SLC24A2: variants seen among roughly 807,000 people sequenced by gnomAD.
SLC24A2 encodes solute carrier family 24 member 2.
Under a neutral mutation model 62.0 loss-of-function variants are expected in SLC24A2, and 36 were observed. That is an observed-to-expected ratio of 0.58 (90% CI 0.44 to 0.77). The LOEUF is 0.77. SLC24A2 is among the 30% of genes least tolerant of loss of function. SLC24A2 has a pLI of 0.00. For missense variants in SLC24A2, 846 were observed against 817.9 expected, an observed-to-expected ratio of 1.03 and a Z score of -0.42; for synonymous variants, 358 against 294.0, an observed-to-expected ratio of 1.22 and a Z score of -2.23.
chr9:19,715,610 G>C (rs1178808154), intron 2 of SLC24A2, among the ~76,000 whole-genome samples: 2 of 152,092 alleles, frequency 1.3e-5, no homozygotes, highest in Admixed American at 1.3e-4. Flanking sequence ...CAGTCAACCT[G>C]TCCTCATTGT....
At chr9:20,294,313 T>G in the SLC24A2 span, among the ~76,000 whole-genome samples, 2 of 152,038 alleles carry the variant, frequency 1.3e-5, no homozygotes, top group African/African-American at 4.8e-5. Flanking sequence ...ACGTGACTGC[T>G]CATCACGGTG....
the SLC24A2 span, among the ~76,000 whole-genome samples, chr9:20,018,724 CCT>C: frequency 6.6e-6 from 1 of 151,988 alleles, no homozygotes; most frequent in Non-Finnish European, 1.5e-5. Context: ...CTTACCATCC[CCT>C]GATTGAGGTA....
At chr9:19,818,165 C>T in the SLC24A2 span, among the ~76,000 whole-genome samples, 1 of 152,072 alleles carries the variant, frequency 6.6e-6, no homozygotes, top group Non-Finnish European at 1.5e-5. Flanking sequence ...TTTAGAGTCT[C>T]CGGCCTTGTT....
the SLC24A2 span, among the ~76,000 whole-genome samples, chr9:19,924,657 A>T: frequency 2.6e-5 from 4 of 152,198 alleles, no homozygotes; most frequent in Non-Finnish European, 4.4e-5. Flanking sequence ...GCTCAAAATA[A>T]ATACTTTTCA....
At chr9:19,868,770 A>T in the SLC24A2 span, among the ~76,000 whole-genome samples, 2 of 151,794 alleles carry the variant, frequency 1.3e-5, no homozygotes, top group Non-Finnish European at 2.9e-5. Flanking sequence ...GTATTTTCTT[A>T]TACTAATTTA....
At chr9:19,630,598 A>T (rs1818153276) in intron 2 of SLC24A2, among the ~76,000 whole-genome samples, 1 of 152,142 alleles carries the variant, frequency 6.6e-6, no homozygotes, top group African/African-American at 2.4e-5. Context: ...ACCACGTTTT[A>T]ACTTCCGATC....
At chr9:20,019,559 C>G in the SLC24A2 span, among the ~76,000 whole-genome samples, 1 of 152,028 alleles carries the variant, frequency 6.6e-6, no homozygotes, top group Admixed American at 6.6e-5. Flanking sequence ...TGGTACCATA[C>G]AAAAACTAAC....
intron 5 of SLC24A2, among the ~76,000 whole-genome samples, chr9:19,578,628 C>A (rs1836107263): frequency 6.6e-6 from 1 of 151,800 alleles, no homozygotes; most frequent in Non-Finnish European, 1.5e-5. Context: ...TTATTTAGAA[C>A]CAAACCAAAC....
chr9:19,770,919 G>A (rs1280642429), intron 2 of SLC24A2, among the ~76,000 whole-genome samples: 2 of 152,068 alleles, frequency 1.3e-5, no homozygotes, highest in Non-Finnish European at 2.9e-5. Context: ...ATTTCATTAA[G>A]AGGCCCCTTA....
chr9:19,829,838 C>A, the SLC24A2 span, among the ~76,000 whole-genome samples: 1 of 127,182 alleles, frequency 7.9e-6, no homozygotes, highest in South Asian at 2.7e-4. Context: ...CACACACACA[C>A]ACATATATAG....
At chr9:20,278,242 TTAAAAA>T in the SLC24A2 span, among the ~76,000 whole-genome samples, 8 of 152,060 alleles carry the variant, frequency 5.3e-5, no homozygotes, top group African/African-American at 1.7e-4. Context: ...AATAAAAAAA[TTAAAAA>T]TAAATAAAAA....
the SLC24A2 span, among the ~76,000 whole-genome samples, chr9:19,943,117 C>T: frequency 9.2e-5 from 14 of 152,116 alleles, no homozygotes; most frequent in African/African-American, 3.4e-4. Flanking sequence ...ATGACATTTA[C>T]CTGATAATGC....
intron 2 of SLC24A2, among the ~76,000 whole-genome samples, chr9:19,643,410 G>T (rs1411661387): frequency 1.3e-5 from 2 of 152,146 alleles, no homozygotes; most frequent in Non-Finnish European, 2.9e-5. Flanking sequence ...CAGACTTAAT[G>T]GGTACCACCA....
the SLC24A2 span, among the ~76,000 whole-genome samples, chr9:19,921,246 G>A: frequency 1.0e-3 from 156 of 151,946 alleles, no homozygotes; most frequent in African/African-American, 3.6e-3. Flanking sequence ...TTACATGGCC[G>A]GGCATGGTGG....
chr9:19,641,424 T>C (rs1818490115), intron 2 of SLC24A2, among the ~76,000 whole-genome samples: 1 of 152,218 alleles, frequency 6.6e-6, no homozygotes, highest in African/African-American at 2.4e-5. Context: ...TTCAAAGATG[T>C]CTTTCTCTCT....
the SLC24A2 span, among the ~76,000 whole-genome samples, chr9:20,177,074 T>C: frequency 1.3e-5 from 2 of 152,168 alleles, no homozygotes; most frequent in Non-Finnish European, 2.9e-5. Flanking sequence ...ATTTTGACCA[T>C]AGGTCTCCAT....
intron 10 of SLC24A2, among the ~76,000 whole-genome samples, chr9:19,520,224 G>A (rs1285762724): frequency 1.3e-5 from 2 of 152,084 alleles, no homozygotes; most frequent in East Asian, 1.9e-4. Flanking sequence ...ATTCTCTCAG[G>A]GTACTGATGT....
intron 2 of SLC24A2, among the ~76,000 whole-genome samples, chr9:19,753,773 C>T (rs1245192455): frequency 2.0e-5 from 3 of 152,130 alleles, no homozygotes; most frequent in African/African-American, 7.2e-5. Context: ...AAGCCAAGGA[C>T]CAGATGGGCA....
At chr9:20,063,232 G>A in the SLC24A2 span, among the ~76,000 whole-genome samples, 1 of 151,254 alleles carries the variant, frequency 6.6e-6, no homozygotes, top group South Asian at 2.1e-4. Context: ...GCAAAGACTT[G>A]GAACCCACCC....
Sources: allele counts gnomAD v4.1 joint callset (sites outside exome capture counted in the v4.1 genomes callset), GRCh38; gene constraint gnomAD v4.1.1; transcripts MANE v1.5; gene names NCBI Gene and HGNC (gene_info 2026-07-23, HGNC 2026-07-21).